MID1: variants seen among roughly 807,000 people sequenced by gnomAD.
MID1 encodes midline 1.
MID1 carries 7 observed loss-of-function variants against 40.4 expected under a neutral mutation model. The ratio of observed to expected loss-of-function variants is 0.17; its 90% CI spans 0.10 to 0.33. The LOEUF is 0.33. MID1 is among the 10% of genes least tolerant of loss of function. The probability of loss-of-function intolerance (pLI) is 1.00; values close to 1 mark genes in which losing one functional copy is unlikely to be tolerated. For synonymous variants in MID1, 229 were observed against 221.2 expected, an observed-to-expected ratio of 1.04 and a Z score of -0.31; for missense variants, 367 against 558.5, an observed-to-expected ratio of 0.66 and a Z score of 3.46.
intron 1 of MID1, among the ~76,000 whole-genome samples, chrX:10,679,513 T>C (rs1009909760): frequency 8.9e-6 from 1 of 111,822 alleles, no homozygotes; most frequent in African/African-American, 3.2e-5. Context: ...AAAGGTGTAT[T>C]AGTACACAGC....
chrX:10,636,815 T>TATATATATATATATATATAG (rs1447125628), intron 1 of MID1, among the ~76,000 whole-genome samples: 1 of 84,811 alleles, frequency 1.2e-5, no homozygotes, highest in African/African-American at 4.2e-5. Flanking sequence ...TATATATATA[T>TATATATATATATATATATAG]ATACACCACT....
intron 1 of MID1, among the ~76,000 whole-genome samples, chrX:10,747,624 A>G (rs758122219): frequency 8.9e-6 from 1 of 112,455 alleles, no homozygotes; most frequent in Admixed American, 9.4e-5. Flanking sequence ...GTCGTAGCCT[A>G]TTAATTTACT....
chrX:10,562,401 ACTCT>A (rs1455516322), intron 2 of MID1, among the ~76,000 whole-genome samples: 1 of 100,199 alleles, frequency 1.0e-5, no homozygotes, highest in Non-Finnish European at 2.0e-5. Context: ...AGAAAATTTC[ACTCT>A]CTGAGTGGAA....
chrX:10,700,291 C>A (rs754813220), intron 1 of MID1, among the ~76,000 whole-genome samples: 1 of 111,571 alleles, frequency 9.0e-6, no homozygotes, highest in East Asian at 2.8e-4. Flanking sequence ...ATGCCTCATG[C>A]CTGTAATTTC....
At chrX:10,654,693 T>C in intron 1 of MID1, among the ~76,000 whole-genome samples, 1 of 112,125 alleles carries the variant, frequency 8.9e-6, no homozygotes, top group Non-Finnish European at 1.9e-5. Context: ...TACTAGTCCA[T>C]GGCCTGGGGA....
intron 1 of MID1, among the ~76,000 whole-genome samples, chrX:10,810,957 G>A (rs1252812157): frequency 1.8e-5 from 2 of 110,304 alleles, no homozygotes; most frequent in Admixed American, 9.7e-5. Context: ...TTCCCCTTGT[G>A]CCCTTTGCAT....
At chrX:10,604,722 T>G (rs1779501152) in intron 1 of MID1, among the ~76,000 whole-genome samples, 1 of 112,392 alleles carries the variant, frequency 8.9e-6, no homozygotes. Context: ...CCCTACAATT[T>G]CAGTTATGAC....
chrX:10,694,844 C>A lies in MID1; in HGVS notation c.-186-74425G>T, dbSNP rs1385333886. ...TTGACTCCATCTTGCCCTTAAACTG[C>A]CCTTGGTCCTCCAAATGGCCCTTGG... is the stretch of plus-strand genomic sequence containing the variant. On this transcript the variant is annotated intron_variant, in intron 1 of 10. Coordinates refer to the MID1 transcript ENST00000380785. Among the ~76,000 whole-genome samples the A allele has an allele frequency of 3.6e-5, 4 of 112,068 alleles. No individual in the cohort carries two copies. The East Asian group carries it at 8.4e-4, about 24-fold the overall frequency.
At chrX:10,717,854 C>A (rs1450537700) in intron 1 of MID1, among the ~76,000 whole-genome samples, 1 of 111,698 alleles carries the variant, frequency 9.0e-6, no homozygotes, top group Non-Finnish European at 1.9e-5. Context: ...ATCTCTCAGA[C>A]CACAGTGCAA....
rs754605735 is a variant in MID1 at position 10,731,966 on chromosome X, C to CAAAA, written c.-187+101584_-187+101587dup. On this transcript the variant is annotated intron_variant, in intron 1 of 10. Coordinates refer to the MID1 transcript ENST00000380785. ...TGGGCGACAGAGCAAGAATCTATCA[C>CAAAA]AAAAAAAAAAAAAAAAAAAAAAAAA... 2.8e-3 allele frequency among the ~76,000 whole-genome samples: 75 copies of CAAAA among 26,646 alleles called. 3 individuals are homozygous for CAAAA. The highest frequency in any genetic ancestry group is 6.5e-3 in the African/African-American group (68 of 10,420). The allele number at this position is 26,646 out of a possible 115,157, so 23.1% of individuals were successfully genotyped here. A position where few individuals can be genotyped will look rare whatever the true frequency, so the allele number is the denominator to read the frequency against.
chrX:10,825,704 G>C (rs1373186207), intron 1 of MID1, among the ~76,000 whole-genome samples: 1 of 111,619 alleles, frequency 9.0e-6, no homozygotes, highest in Non-Finnish European at 1.9e-5. Context: ...GAATTCGCCA[G>C]ACAACTGAAG....
intron 3 of MID1, among the ~76,000 whole-genome samples, chrX:10,510,810 A>AGTG (rs1932096380): frequency 4.3e-5 from 4 of 92,430 alleles, no homozygotes; most frequent in Non-Finnish European, 8.7e-5. Context: ...CCAGCCTGGC[A>AGTG]ACAGAGCAAG....
intron 3 of MID1, 101 bp downstream of exon 3, chrX:10,522,991 G>T: frequency 1.5e-6 from 1 of 657,288 alleles, no homozygotes; most frequent in Non-Finnish European, 2.4e-6. Context: ...TTAATTTTAA[G>T]AAAGATTCTT....
In MID1 at chrX:10,554,594, A is replaced by G. The variant is rs375309573; in HGVS notation, c.660+12294T>C. Among the ~76,000 whole-genome samples the G allele has an allele frequency of 2.7e-5, 3 of 112,220 alleles. No homozygotes were observed. In the East Asian group the frequency reaches 8.4e-4, roughly 31 times the overall value. On this transcript the variant is annotated intron_variant, in intron 2 of 9. Transcript: ENST00000317552. ...TAATGATCAAGTCAGGGTATTTAGAATGAAAGAGCTACTGGAACCAGTTAA... is the reference window on the plus strand; with the variant it reads ...TAATGATCAAGTCAGGGTATTTAGAGTGAAAGAGCTACTGGAACCAGTTAA...
chrX:10,771,105 G>GAA (rs199974083), intron 1 of MID1, among the ~76,000 whole-genome samples: 12 of 66,244 alleles, frequency 1.8e-4, no homozygotes, highest in African/African-American at 4.1e-4. Flanking sequence ...TCTGTCTCAA[G>GAA]AAAAAAAAAA....
chrX:10,831,422 A>T, intron 1 of MID1, among the ~76,000 whole-genome samples: 1 of 111,323 alleles, frequency 9.0e-6, no homozygotes, highest in Non-Finnish European at 1.9e-5. Context: ...TAACCAGGGC[A>T]CCTACTAACA....
downstream of MID1, chrX:10,445,414 A>G (rs1490243545): frequency 8.9e-6 from 1 of 112,540 alleles, no homozygotes. Context: ...CAAATAGTGG[A>G]TGAGAGACAG....
intron 1 of MID1, among the ~76,000 whole-genome samples, chrX:10,584,534 G>A (rs1054862318): frequency 8.9e-6 from 1 of 112,050 alleles, no homozygotes; most frequent in African/African-American, 3.2e-5. Context: ...GAAGAGTGCT[G>A]GGGGAAATAA....
intron 1 of MID1, among the ~76,000 whole-genome samples, chrX:10,763,844 G>T (rs191315695): frequency 0.031 from 3,475 of 111,323 alleles, 120 homozygotes; most frequent in African/African-American, 0.11. Context: ...CCTGACTTTT[G>T]AATGATCGCC....
Sources: gnomAD v4.1 joint callset for allele counts (sites outside exome capture counted in the v4.1 genomes callset) on GRCh38, gnomAD v4.1.1 for gene constraint, MANE v1.5 for transcripts, NCBI Gene and HGNC (gene_info 2026-07-23, HGNC 2026-07-21) for gene names.